RBPMS2: variants seen among roughly 807,000 people sequenced by gnomAD.
RBPMS2 encodes RNA binding protein, mRNA processing factor 2.
A neutral mutation model predicts 25.7 loss-of-function variants in RBPMS2; 14 were observed. The ratio of observed to expected loss-of-function variants is 0.55; its 90% CI spans 0.36 to 0.85. The LOEUF is 0.85. RBPMS2 is among the 40% of genes least tolerant of loss of function. RBPMS2 has a pLI of 0.01. For synonymous variants in RBPMS2, 127 were observed against 115.6 expected (o/e 1.10, Z -0.63); for missense variants, 252 against 283.4 (o/e 0.89, Z 0.80).
intron 1 of RBPMS2, among the ~76,000 whole-genome samples, chr15:64,757,080 T>C (rs2083739066): frequency 6.7e-6 from 1 of 150,310 alleles, no homozygotes; most frequent in Admixed American, 6.6e-5. Context: ...TCAAGAGATC[T>C]TCCTGCCTCA....
intron 5 of RBPMS2, 76 bp downstream of exon 5, chr15:64,748,924 C>T: frequency 6.6e-7 from 1 of 1,526,210 alleles, no homozygotes; most frequent in Non-Finnish European, 8.9e-7. Flanking sequence ...GGAAAAGGGG[C>T]TTCCCTCTGC....
chr15:64,761,853 C>T (rs2083791746), intron 1 of RBPMS2, among the ~76,000 whole-genome samples: 1 of 152,064 alleles, frequency 6.6e-6, no homozygotes, highest in African/African-American at 2.4e-5. Context: ...GGATTATAGG[C>T]ACCCACCACC....
intron 6 of RBPMS2, 87 bp from the exon 7 acceptor site, chr15:64,741,329 T>C: frequency 1.9e-6 from 2 of 1,026,218 alleles, no homozygotes; most frequent in African/African-American, 1.6e-5. Context: ...GTGTCCCCGC[T>C]GGAGTCCTGG....
chr15:64,750,960 C>G (rs2083672444), intron 2 of RBPMS2, among the ~76,000 whole-genome samples: 1 of 152,082 alleles, frequency 6.6e-6, no homozygotes, highest in Non-Finnish European at 1.5e-5. Context: ...ATCGCCTGAA[C>G]CCAGGAGGCG....
intron 1 of RBPMS2, among the ~76,000 whole-genome samples, chr15:64,774,878 CGGA>C (rs919277715): frequency 1.5e-4 from 23 of 151,490 alleles, no homozygotes; most frequent in Non-Finnish European, 2.9e-4. Context: ...AGGTGCGCCT[CGGA>C]GGAGGGCGGC....
chr15:64,772,133 T>G (rs80261452), intron 1 of RBPMS2, among the ~76,000 whole-genome samples: 1 of 152,212 alleles, frequency 6.6e-6, no homozygotes, highest in African/African-American at 2.4e-5. Flanking sequence ...AGGGAACCCA[T>G]AGAAATGGAA....
chr15:64,755,637 G>T (rs568605252), intron 1 of RBPMS2, among the ~76,000 whole-genome samples: 1 of 152,234 alleles, frequency 6.6e-6, no homozygotes, highest in Admixed American at 6.5e-5. Flanking sequence ...GTCATGGGTG[G>T]GTAAGTGCTG....
intron 1 of RBPMS2, among the ~76,000 whole-genome samples, chr15:64,769,700 GGTTT>G (rs1467628029): frequency 2.6e-5 from 4 of 151,988 alleles, no homozygotes; most frequent in Non-Finnish European, 4.4e-5. Context: ...AAACTGGCTT[GGTTT>G]GTTTATTATC....
chr15:64,751,487 C>A lies in RBPMS2; in HGVS notation c.165+74G>T. On this transcript the variant is annotated intron_variant, in intron 2 of 7. Coordinates refer to ENST00000300069, the MANE Select transcript of RBPMS2 (RefSeq NM_194272.3). ...TCCCGCATCATCCTGCTGCCCTGCC[C>A]GACCCGAGATTCACTCCCGCTGCTT... The A allele has an allele frequency of 2.3e-6, 3 of 1,329,586 alleles. No individual in the cohort carries two copies. In the South Asian group the frequency reaches 3.6e-5, roughly 16 times the overall value. The allele number at this position is 1,329,586 out of a possible 1,614,324, so 82.4% of individuals were successfully genotyped here. A position where few individuals can be genotyped will look rare whatever the true frequency, so the allele number is the denominator to read the frequency against.
At chr15:64,743,266 T>C (rs113119656) in intron 6 of RBPMS2, among the ~76,000 whole-genome samples, 12 of 152,376 alleles carry the variant, frequency 7.9e-5, no homozygotes, top group African/African-American at 2.9e-4. Context: ...AGGCCTTGAA[T>C]GACTGCCTAA....
chr15:64,741,584 C>G (rs2083562804), intron 6 of RBPMS2, among the ~76,000 whole-genome samples: 1 of 152,224 alleles, frequency 6.6e-6, no homozygotes. Flanking sequence ...CCTTTACTGA[C>G]ACAGCACGGA....
At chr15:64,743,157 T>C in intron 6 of RBPMS2, among the ~76,000 whole-genome samples, 1 of 152,210 alleles carries the variant, frequency 6.6e-6, no homozygotes, top group East Asian at 1.9e-4. Context: ...CCGGACGGGC[T>C]GGGTGTCCCG....
intron 1 of RBPMS2, among the ~76,000 whole-genome samples, chr15:64,773,015 G>A (rs552214733): frequency 5.9e-5 from 9 of 152,224 alleles, no homozygotes; most frequent in Non-Finnish European, 8.8e-5. Context: ...CACTCCCTTC[G>A]CCAGTGACCC....
intron 6 of RBPMS2, among the ~76,000 whole-genome samples, chr15:64,743,066 G>A (rs905129555): frequency 5.3e-5 from 8 of 152,224 alleles, no homozygotes; most frequent in African/African-American, 1.7e-4. Flanking sequence ...GCCGGCGGCT[G>A]GCACCAGCTC....
At chr15:64,764,307 A>T (rs1473053439) in intron 1 of RBPMS2, among the ~76,000 whole-genome samples, 2 of 152,196 alleles carry the variant, frequency 1.3e-5, no homozygotes, top group African/African-American at 4.8e-5. Flanking sequence ...GATTCAAGGC[A>T]TTGGGCTAGA....
chr15:64,754,962 C>G (rs966098698), intron 1 of RBPMS2, among the ~76,000 whole-genome samples: 5 of 152,174 alleles, frequency 3.3e-5, no homozygotes, highest in Admixed American at 3.3e-4. Context: ...TGATTTGGGT[C>G]AAAGACCCAG....
intron 1 of RBPMS2, among the ~76,000 whole-genome samples, chr15:64,765,637 CT>C (rs2083839481): frequency 6.6e-6 from 1 of 151,824 alleles, no homozygotes; most frequent in African/African-American, 2.4e-5. Context: ...GGTGCAGAGC[CT>C]TTTCATCAAT....
At chr15:64,749,260 A>T in intron 4 of RBPMS2, 110 bp from the exon 5 acceptor site, 1 of 1,409,384 alleles carries the variant, frequency 7.1e-7, no homozygotes, top group Non-Finnish European at 1.0e-6. Flanking sequence ...AGACCTGCCC[A>T]CACGGTGGCT....
rs1214198509 is a variant in RBPMS2 at position 64,741,154 on chromosome 15, C to A, written c.*7+19G>T. 2 of 1,554,534 alleles carry A rather than the reference C, an allele frequency of 1.3e-6. No individual in the cohort carries two copies. The highest frequency in any genetic ancestry group is 1.9e-5 in the Admixed American group (1 of 52,008). On this transcript the variant is annotated intron_variant, in intron 7 of 7. Transcript: ENST00000300069. ...GGAGTCTAGGACACTTGTCCTGGGC[C>A]TCTGGGGCCAACACTTACTGAAAAA...
Sources: gnomAD v4.1 joint callset for allele counts (sites outside exome capture counted in the v4.1 genomes callset) on GRCh38, gnomAD v4.1.1 for gene constraint, MANE v1.5 for transcripts, NCBI Gene and HGNC (gene_info 2026-07-23, HGNC 2026-07-21) for gene names.